TOGARAM1: variants seen among roughly 807,000 people sequenced by gnomAD.
TOGARAM1 encodes the protein TOG array regulator of axonemal microtubules 1, also known as TOG array regulator of axonemal microtubules protein 1.
In TOGARAM1, 100 loss-of-function variants were observed where a neutral mutation model predicts 166.6. The observed-to-expected ratio is 0.60, with a 90% CI of 0.51 to 0.71. TOGARAM1 has a LOEUF of 0.71. TOGARAM1 is among the 30% of genes least tolerant of loss of function. The probability of loss-of-function intolerance (pLI) is 0.00; values close to 1 mark genes in which losing one functional copy is unlikely to be tolerated. For synonymous variants in TOGARAM1, 758 were observed against 763.8 expected, an observed-to-expected ratio of 0.99 and a Z score of 0.13; for missense variants, 2,029 against 2,102.7, an observed-to-expected ratio of 0.96 and a Z score of 0.69.
chr14:45,066,613 C>T lies in TOGARAM1; in HGVS notation c.4595C>T (p.Ser1532Leu). 1 of 1,610,672 alleles carries T rather than the reference C, an allele frequency of 6.2e-7. No homozygotes were observed. The highest frequency in any genetic ancestry group is 8.5e-7 in the Non-Finnish European group (1 of 1,177,666). The change falls in exon 17 of 20, where the codon TCA (serine) becomes TTA (leucine). Residue 1532 changes from serine (S) to leucine (L), a missense_variant. By Grantham distance (145) the Ser-to-Leu change is moderately radical. Coordinates refer to ENST00000361462, the MANE Select transcript of TOGARAM1 (RefSeq NM_001308120.2). The stretch of plus-strand genomic sequence containing the variant: ...GAAGTTCGTGAAGTCACCAGAAAAT[C>T]AGTCCCTCGTAATTCCTTAGAAAGT... ...VTEVREVTRK[S>L]VPRNSLESAE...
At chr14:45,026,372 T>C (rs1594669367) in intron 8 of TOGARAM1, among the ~76,000 whole-genome samples, 1 of 152,210 alleles carries the variant, frequency 6.6e-6, no homozygotes, top group South Asian at 2.1e-4. Context: ...GTAATATACA[T>C]TGAGGGTATG....
intron 5 of TOGARAM1, chr14:45,007,819 T>G (rs1879548272): frequency 6.6e-6 from 1 of 152,158 alleles, no homozygotes. Flanking sequence ...TTACAGTAAC[T>G]CCCTGAGTTA....
chr14:45,026,361 G>A (rs1481999424), intron 8 of TOGARAM1, among the ~76,000 whole-genome samples: 3 of 151,998 alleles, frequency 2.0e-5, no homozygotes, highest in Admixed American at 2.0e-4. Context: ...ACTAGAATGT[G>A]GTAATATACA....
chr14:44,968,341 G>A (rs934914601), intron 1 of TOGARAM1, among the ~76,000 whole-genome samples: 1 of 152,094 alleles, frequency 6.6e-6, no homozygotes, highest in African/African-American at 2.4e-5. Flanking sequence ...CTCACTGCAA[G>A]CTCCGCCTCC....
chr14:44,972,291 G>A (rs1362280348), intron 1 of TOGARAM1, among the ~76,000 whole-genome samples: 2 of 151,454 alleles, frequency 1.3e-5, no homozygotes, highest in Non-Finnish European at 2.9e-5. Context: ...TTTTGCGATA[G>A]AACGTGGTAT....
chr14:44,978,758 T>G, intron 1 of TOGARAM1, among the ~76,000 whole-genome samples: 1 of 150,862 alleles, frequency 6.6e-6, no homozygotes, highest in Non-Finnish European at 1.5e-5. Context: ...GATCATAGTG[T>G]CACTGCACAC....
At chr14:44,990,346 C>T (rs1036222192) in intron 1 of TOGARAM1, among the ~76,000 whole-genome samples, 4 of 152,182 alleles carry the variant, frequency 2.6e-5, no homozygotes, top group African/African-American at 9.7e-5. Flanking sequence ...TAGTTGCACA[C>T]ATATCTTTGT....
chr14:45,037,195 CA>C (rs1431845899), intron 11 of TOGARAM1, among the ~76,000 whole-genome samples: 2 of 152,208 alleles, frequency 1.3e-5, no homozygotes, highest in East Asian at 3.9e-4. Flanking sequence ...GCCACACACA[CA>C]GATATAGTTC....
At chr14:45,017,795 G>C (rs1379010275) in intron 7 of TOGARAM1, among the ~76,000 whole-genome samples, 1 of 152,190 alleles carries the variant, frequency 6.6e-6, no homozygotes, top group Non-Finnish European at 1.5e-5. Context: ...TGAGGCAGGA[G>C]AACTGCTTGA....
intron 1 of TOGARAM1, among the ~76,000 whole-genome samples, chr14:44,975,554 T>C (rs138043791): frequency 0.046 from 7,039 of 151,980 alleles, 539 homozygotes; most frequent in African/African-American, 0.16. Context: ...GCAACCTCTG[T>C]CTCCCAGGTT....
intron 1 of TOGARAM1, among the ~76,000 whole-genome samples, chr14:44,988,882 C>T (rs1886991924): frequency 6.6e-6 from 1 of 152,198 alleles, no homozygotes; most frequent in Admixed American, 6.5e-5. Context: ...CTGACAGTAA[C>T]CACGTGAGTG....
At chr14:44,983,392 A>G (rs1054314489) in intron 1 of TOGARAM1, among the ~76,000 whole-genome samples, 1 of 152,322 alleles carries the variant, frequency 6.6e-6, no homozygotes, top group African/African-American at 2.4e-5. Flanking sequence ...ATATGAGTTT[A>G]GTGCAGTGTT....
chr14:45,068,614 ATGT>A lies in TOGARAM1; in HGVS notation c.4945_4947del (p.Val1649del), dbSNP rs756039306. 5.0e-6 allele frequency: 8 copies of A among 1,610,528 alleles called. No homozygotes were observed. Among genetic ancestry groups the A allele is most frequent in the Admixed American group, 1.7e-5 (1 of 59,512 alleles). On this transcript the variant is annotated inframe_deletion, in exon 18 of 20. Transcript: ENST00000361462. ...CCAGGCATCTATGCGGCTGCTACAAATGTTGTTCAGGCACTGAGTCAGCATGTA... is the reference window on the plus strand; with the variant it reads ...CCAGGCATCTATGCGGCTGCTACAAATGTTCAGGCACTGAGTCAGCATGTA...
rs1566645739 is a variant in TOGARAM1, at chr14:45,027,383, T to C, written c.3413T>C (p.Ile1138Thr). The C allele has an allele frequency of 2.5e-6, 4 of 1,613,668 alleles. No homozygotes were observed. In the African/African-American group the frequency reaches 5.3e-5, roughly 22 times the overall value. Residue 1138 changes from isoleucine to threonine, a missense_variant, in exon 9 of 20, where the codon ATT becomes ACT. Physicochemically the swap from Ile to Thr is moderately conservative, Grantham distance 89. Coordinates refer to ENST00000361462, the MANE Select transcript of TOGARAM1 (RefSeq NM_001308120.2). Reference protein sequence around the residue: ...SSVENGDTFSIKQSIEPPSGI... With the variant: ...SSVENGDTFSTKQSIEPPSGI... ...GTGGAAAATGGGGATACATTTTCAA[T>C]TAAACAAAGTATTGAACCACCATCA...
intron 7 of TOGARAM1, among the ~76,000 whole-genome samples, chr14:45,023,677 C>CCG (rs1880657655): frequency 6.6e-6 from 1 of 152,248 alleles, no homozygotes; most frequent in South Asian, 2.1e-4. Flanking sequence ...AAGTCTTGCC[C>CCG]CGTTGGCAAG....
chr14:44,989,531 G>T (rs938959857), intron 1 of TOGARAM1, among the ~76,000 whole-genome samples: 7 of 151,144 alleles, frequency 4.6e-5, no homozygotes, highest in African/African-American at 1.7e-4. Flanking sequence ...GAGTAAAGGA[G>T]CAGCCTATAT....
chr14:45,050,150 G>A (rs1010191395), intron 14 of TOGARAM1, among the ~76,000 whole-genome samples: 15 of 152,090 alleles, frequency 9.9e-5, no homozygotes, highest in African/African-American at 2.4e-5. Context: ...TACTTATCTG[G>A]ATATAGACCT....
chr14:45,036,241 A>T (rs1328706634), intron 11 of TOGARAM1, among the ~76,000 whole-genome samples: 2 of 151,912 alleles, frequency 1.3e-5, no homozygotes, highest in African/African-American at 4.8e-5. Context: ...CAAGGCAACA[A>T]AGGAGATAAA....
At position 45,046,699 on chromosome 14, in the gene TOGARAM1, AC is replaced by A; in HGVS notation, c.4311del (p.Arg1438GlyfsTer11). ...AKFAQDSSQE[T>X]RYYGRKMLFF... is the part of the protein sequence containing the mutation. ...GTTTGCTCAAGACAGTTCACAAGAA[AC>A]CAGGTGAATATCTGCTAATGTTTGC... On this transcript the variant is annotated frameshift_variant, in exon 14 of 20. Coordinates refer to ENST00000361462, the MANE Select transcript of TOGARAM1 (RefSeq NM_001308120.2). LOFTEE classifies it high-confidence loss of function. 7.8e-7 allele frequency: 1 copy of A among 1,283,728 alleles called. No individual in the cohort carries two copies. Among genetic ancestry groups the A allele is most frequent in the Non-Finnish European group, 9.9e-7 (1 of 1,005,146 alleles). 79.5% of individuals were successfully genotyped at this position (1,283,728 alleles called of 1,614,324 possible). A position where few individuals can be genotyped will look rare whatever the true frequency, so the allele number is the denominator to read the frequency against.
Sources: allele counts gnomAD v4.1 joint callset (sites outside exome capture counted in the v4.1 genomes callset), GRCh38; gene constraint gnomAD v4.1.1; transcripts MANE v1.5; gene names NCBI Gene and HGNC (gene_info 2026-07-23, HGNC 2026-07-21).